ABCD3: variants seen among roughly 807,000 people sequenced by gnomAD.
ABCD3 encodes the protein ATP binding cassette subfamily D member 3, also known as ATP-binding cassette sub-family D member 3.
In ABCD3, 41 loss-of-function variants were observed where a neutral mutation model predicts 105.5. That is an observed-to-expected ratio of 0.39 (90% CI 0.30 to 0.50). ABCD3 has a LOEUF of 0.50. Among genes scored for constraint, ABCD3 ranks in the 20% least tolerant of loss-of-function variants. The pLI is 0.84. For synonymous variants in ABCD3, 258 were observed against 269.0 expected, an observed-to-expected ratio of 0.96 and a Z score of 0.40; for missense variants, 622 against 806.3, an observed-to-expected ratio of 0.77 and a Z score of 2.77.
the ABCD3 span, among the ~76,000 whole-genome samples, chr1:94,391,382 G>A: frequency 5.3e-5 from 8 of 152,242 alleles, no homozygotes; most frequent in East Asian, 5.8e-4. Flanking sequence ...AGAATGCCCT[G>A]ACTTGTCAGC....
intron 8 of ABCD3, chr1:94,480,223 G>A: frequency 5.5e-6 from 3 of 544,470 alleles, no homozygotes; most frequent in Non-Finnish European, 9.8e-6. Flanking sequence ...GTTTTTAGGT[G>A]AGCAAAATGT....
chr1:94,432,495 T>C (rs1430555345), intron 1 of ABCD3: 1 of 152,256 alleles, frequency 6.6e-6, no homozygotes, highest in Non-Finnish European at 1.5e-5. Context: ...ATTGAACACT[T>C]AACCATATTT....
chr1:94,400,676 T>C, the ABCD3 span, among the ~76,000 whole-genome samples: 1 of 152,142 alleles, frequency 6.6e-6, no homozygotes, highest in African/African-American at 2.4e-5. Flanking sequence ...CACCAGCACC[T>C]AGAGAAAGAG....
intron 1 of ABCD3, among the ~76,000 whole-genome samples, chr1:94,440,093 C>T (rs1367455155): frequency 6.6e-6 from 1 of 152,174 alleles, no homozygotes; most frequent in Admixed American, 6.5e-5. Context: ...GTTTTTATAT[C>T]TTGTAGGAAT....
At chr1:94,405,516 C>T in the ABCD3 span, among the ~76,000 whole-genome samples, 4 of 152,070 alleles carry the variant, frequency 2.6e-5, no homozygotes, top group Non-Finnish European at 4.4e-5. Context: ...GTTGGTCAGG[C>T]TGGTCTTGAA....
intron 2 of ABCD3, among the ~76,000 whole-genome samples, chr1:94,460,958 T>G (rs1647839688): frequency 6.6e-6 from 1 of 152,104 alleles, no homozygotes; most frequent in Non-Finnish European, 1.5e-5. Flanking sequence ...GCTAGATTCA[T>G]TTTACTCATT....
intron 1 of ABCD3, among the ~76,000 whole-genome samples, chr1:94,433,560 C>T (rs570263533): frequency 6.6e-6 from 1 of 151,916 alleles, no homozygotes; most frequent in South Asian, 2.1e-4. Context: ...GTCTATTGCT[C>T]CTAGGCTACA....
At chr1:94,421,299 A>G (rs951981674) in intron 1 of ABCD3, among the ~76,000 whole-genome samples, 1 of 152,138 alleles carries the variant, frequency 6.6e-6, no homozygotes, top group Non-Finnish European at 1.5e-5. Flanking sequence ...AAACAAATGG[A>G]TACACTATGT....
chr1:94,389,783 A>G, the ABCD3 span, among the ~76,000 whole-genome samples: 2 of 152,064 alleles, frequency 1.3e-5, no homozygotes, highest in African/African-American at 4.8e-5. Flanking sequence ...GGTCTAATAA[A>G]TTCCACTCCC....
intron 4 of ABCD3, among the ~76,000 whole-genome samples, chr1:94,471,754 G>T (rs943321395): frequency 6.6e-6 from 1 of 152,122 alleles, no homozygotes; most frequent in Non-Finnish European, 1.5e-5. Context: ...AGTGCAAATT[G>T]ATTTATTTAT....
At chr1:94,434,750 A>G (rs930973587) in intron 1 of ABCD3, among the ~76,000 whole-genome samples, 10 of 152,240 alleles carry the variant, frequency 6.6e-5, no homozygotes, top group Admixed American at 6.5e-4. Context: ...ATGCAATGAC[A>G]TCTTTTACAA....
chr1:94,459,212 G>C (rs958952556), intron 2 of ABCD3, among the ~76,000 whole-genome samples: 3 of 151,720 alleles, frequency 2.0e-5, no homozygotes, highest in Non-Finnish European at 2.9e-5. Flanking sequence ...GCCTGGCTCT[G>C]TTTTCTCTAG....
intron 20 of ABCD3, among the ~76,000 whole-genome samples, chr1:94,500,778 A>G (rs552688204): frequency 1.6e-4 from 25 of 152,208 alleles, no homozygotes; most frequent in Non-Finnish European, 2.9e-4. Context: ...TAATAGTGTG[A>G]CTTGCCTGGC....
chr1:94,497,603 G>C (rs1333991331), intron 16 of ABCD3, among the ~76,000 whole-genome samples: 1 of 152,086 alleles, frequency 6.6e-6, no homozygotes, highest in Non-Finnish European at 1.5e-5. Flanking sequence ...TTATCTTTAT[G>C]TTGTTGCAGA....
intron 20 of ABCD3, among the ~76,000 whole-genome samples, chr1:94,501,265 G>GAAAA (rs4148065): frequency 8.1e-5 from 5 of 61,932 alleles, no homozygotes; most frequent in African/African-American, 5.4e-5. Context: ...TGTCTCAAAA[G>GAAAA]AAAAAAAAAA....
At chr1:94,453,497 T>A in intron 1 of ABCD3, among the ~76,000 whole-genome samples, 1 of 151,870 alleles carries the variant, frequency 6.6e-6, no homozygotes, top group Non-Finnish European at 1.5e-5. Context: ...TTTTTGTATT[T>A]TTAGTAGAGA....
chr1:94,408,576 A>G, the ABCD3 span, among the ~76,000 whole-genome samples: 1 of 152,238 alleles, frequency 6.6e-6, no homozygotes, highest in Admixed American at 6.5e-5. Flanking sequence ...CCTGGGTGAC[A>G]GAGCAAGACT....
At chr1:94,478,219 T>C (rs1227698662) in intron 7 of ABCD3, 40 bp from the exon 8 acceptor site, 1 of 1,225,254 alleles carries the variant, frequency 8.2e-7, no homozygotes, top group Non-Finnish European at 1.2e-6. Context: ...ATTCTAGTGC[T>C]TTAGTTTTAA....
chr1:94,444,516 C>A (rs770637104), intron 1 of ABCD3, among the ~76,000 whole-genome samples: 5 of 152,212 alleles, frequency 3.3e-5, no homozygotes, highest in Middle Eastern at 3.4e-3. Flanking sequence ...GTTGAACCTT[C>A]TTCTTAAATA....
Sources: gnomAD v4.1 joint callset for allele counts (sites outside exome capture counted in the v4.1 genomes callset) on GRCh38, gnomAD v4.1.1 for gene constraint, MANE v1.5 for transcripts, NCBI Gene and HGNC (gene_info 2026-07-23, HGNC 2026-07-21) for gene names.